The following GRID1 variants were observed in gnomAD, a reference collection of about 807,000 sequenced individuals.
GRID1 encodes glutamate ionotropic receptor delta type subunit 1, also known as glutamate receptor ionotropic, delta-1.
In GRID1, 28 loss-of-function variants were observed where a neutral mutation model predicts 98.0. The observed-to-expected ratio is 0.29, with a 90% CI of 0.21 to 0.39. The LOEUF is 0.39. GRID1 is among the 10% of genes least tolerant of loss of function. GRID1 has a pLI of 1.00. For synonymous variants in GRID1, 553 were observed against 538.5 expected, an observed-to-expected ratio of 1.03 and a Z score of -0.37; for missense variants, 1,111 against 1,340.5, an observed-to-expected ratio of 0.83 and a Z score of 2.67.
chr10:85,671,131 C>G (rs1841080569), intron 12 of GRID1, among the ~76,000 whole-genome samples: 1 of 152,196 alleles, frequency 6.6e-6, no homozygotes, highest in African/African-American at 2.4e-5. Flanking sequence ...AACTCTACTG[C>G]CAACACCCTC....
Position 85,647,380 on chromosome 10 carries a change from G to T in GRID1, c.2015C>A (p.Ser672Tyr), listed in dbSNP as rs1342084899. 6.2e-7 allele frequency: 1 copy of T among 1,614,116 alleles called. No individual in the cohort carries two copies. The highest frequency in any genetic ancestry group is 8.5e-7 in the Non-Finnish European group (1 of 1,179,952). ...GCCATAAGACATTTCCACTTGTTTG[G>T]ACAGGTCCTGGAAAGTCCTGAAATG... ...DNPIRTFQDLSKQVEMSYGTV... is the reference protein window; with the variant it reads ...DNPIRTFQDLYKQVEMSYGTV... The change falls in exon 13 of 16, where the codon TCC becomes TAC. Residue 672 changes from serine (S) to tyrosine (Y), a missense_variant. By Grantham distance (144) the Ser-to-Tyr change is moderately radical (BLOSUM62 -2). Around this residue, in one of 3 missense-constraint regions of GRID1, gnomAD observed 762 missense variants for 869.1 expected, o/e 0.88. Coordinates refer to ENST00000327946, the MANE Select transcript of GRID1 (RefSeq NM_017551.3).
At chr10:85,938,472 T>C (rs143790340) in intron 4 of GRID1, among the ~76,000 whole-genome samples, 1 of 152,202 alleles carries the variant, frequency 6.6e-6, no homozygotes, top group African/African-American at 2.4e-5. Flanking sequence ...CTGGGCAGTG[T>C]GCTCAGAGTT....
chr10:85,986,721 C>T (rs1206699646), intron 4 of GRID1, among the ~76,000 whole-genome samples: 1 of 152,184 alleles, frequency 6.6e-6, no homozygotes, highest in Non-Finnish European at 1.5e-5. Context: ...GCTCCTATGT[C>T]TAAGAGAGGT....
intron 8 of GRID1, among the ~76,000 whole-genome samples, chr10:85,787,098 TTGAG>T (rs1369009984): frequency 2.0e-5 from 3 of 152,202 alleles, no homozygotes; most frequent in Non-Finnish European, 4.4e-5. Context: ...GACTGTGACA[TTGAG>T]TGAGTTACTT....
At chr10:85,742,749 TC>T (rs529063484) in intron 8 of GRID1, among the ~76,000 whole-genome samples, 1 of 152,140 alleles carries the variant, frequency 6.6e-6, no homozygotes, top group Non-Finnish European at 1.5e-5. Flanking sequence ...CTTCTCCACC[TC>T]CTATCAGGAA....
At chr10:86,203,365 C>G (rs1020583140) in intron 3 of GRID1, among the ~76,000 whole-genome samples, 1 of 151,918 alleles carries the variant, frequency 6.6e-6, no homozygotes, top group Non-Finnish European at 1.5e-5. Context: ...CAGGCCACAG[C>G]CAGCCATGCC....
chr10:86,358,587 T>C (rs1334988895), intron 2 of GRID1, among the ~76,000 whole-genome samples: 1 of 151,568 alleles, frequency 6.6e-6, no homozygotes, highest in Non-Finnish European at 1.5e-5. Context: ...TGAAATCCCG[T>C]CTCTACTAAA....
chr10:85,724,253 T>C (rs1841735566), intron 11 of GRID1, 99 bp downstream of exon 11: 1 of 860,948 alleles, frequency 1.2e-6, no homozygotes, highest in African/African-American at 1.7e-5. Context: ...AAAATTGCAT[T>C]TGGAATGACT....
At chr10:85,852,046 G>T (rs1212639955) in intron 8 of GRID1, among the ~76,000 whole-genome samples, 1 of 151,660 alleles carries the variant, frequency 6.6e-6, no homozygotes, top group Non-Finnish European at 1.5e-5. Flanking sequence ...CCTTCTCCTT[G>T]GTTCATCTGA....
At chr10:85,895,144 C>T (rs1459242440) in intron 5 of GRID1, among the ~76,000 whole-genome samples, 2 of 151,462 alleles carry the variant, frequency 1.3e-5, no homozygotes, top group African/African-American at 2.4e-5. Context: ...TCCTCCCTGA[C>T]ATCAGTTTAA....
At chr10:86,177,763 T>C (rs1017075749) in intron 3 of GRID1, among the ~76,000 whole-genome samples, 1 of 152,160 alleles carries the variant, frequency 6.6e-6, no homozygotes, top group Non-Finnish European at 1.5e-5. Flanking sequence ...CGTGCGTGTG[T>C]GTGCCTGTGT....
chr10:85,864,875 T>G (rs1843200236), intron 6 of GRID1, among the ~76,000 whole-genome samples: 2 of 152,076 alleles, frequency 1.3e-5, no homozygotes, highest in Admixed American at 6.6e-5. Flanking sequence ...AATTCAGGGA[T>G]CCGGCTCCAC....
At chr10:85,837,201 C>T (rs1842918560) in intron 8 of GRID1, among the ~76,000 whole-genome samples, 1 of 152,182 alleles carries the variant, frequency 6.6e-6, no homozygotes, top group South Asian at 2.1e-4. Flanking sequence ...ACAAAGGATC[C>T]TCCCACAACC....
intron 4 of GRID1, among the ~76,000 whole-genome samples, chr10:86,039,664 C>CCAG: frequency 6.6e-6 from 1 of 152,196 alleles, no homozygotes; most frequent in East Asian, 1.9e-4. Context: ...CTGGGATCCC[C>CCAG]CAGCAGTTGA....
chr10:85,901,909 CT>C (rs1841394503), intron 5 of GRID1, among the ~76,000 whole-genome samples: 2 of 152,162 alleles, frequency 1.3e-5, no homozygotes, highest in South Asian at 4.1e-4. Context: ...TCATAGGTTC[CT>C]TTACGGCTGA....
intron 4 of GRID1, among the ~76,000 whole-genome samples, chr10:86,091,896 T>C (rs1844154935): frequency 6.6e-6 from 1 of 152,240 alleles, no homozygotes; most frequent in African/African-American, 2.4e-5. Context: ...GCAATCACTG[T>C]AGTTCGGCTC....
intron 12 of GRID1, among the ~76,000 whole-genome samples, chr10:85,653,910 C>T (rs926713157): frequency 6.6e-6 from 1 of 151,868 alleles, no homozygotes; most frequent in East Asian, 1.9e-4. Flanking sequence ...AATAAATGCC[C>T]TTTTTAAAAA....
chr10:86,364,108 A>C lies in GRID1; in HGVS notation c.80-12T>G. 4 of 1,612,030 alleles carry C rather than the reference A, an allele frequency of 2.5e-6. No homozygotes were observed. In the South Asian group the frequency reaches 4.4e-5, roughly 18 times the overall value. Reference sequence around the variant, plus strand: ...CTCGAAGATGGCACCTGGAGGAGAGAAGGGATCAAGACCGGACCTGGACAA... The same window carrying C: ...CTCGAAGATGGCACCTGGAGGAGAGCAGGGATCAAGACCGGACCTGGACAA... On this transcript the variant is annotated splice_polypyrimidine_tract_variant and intron_variant, in intron 1 of 15. Transcript: ENST00000327946.
intron 6 of GRID1, among the ~76,000 whole-genome samples, chr10:85,857,065 T>C (rs78065830): frequency 0.014 from 2,166 of 152,256 alleles, 43 homozygotes; most frequent in African/African-American, 0.05. Context: ...CTAGGGTGAA[T>C]GGTGGCCTGA....
Sources: gnomAD v4.1 joint callset for allele counts (sites outside exome capture counted in the v4.1 genomes callset) on GRCh38, gnomAD v4.1.1 for gene constraint, gnomAD v4.1.1 regional missense constraint, MANE v1.5 for transcripts, NCBI Gene and HGNC (gene_info 2026-07-23, HGNC 2026-07-21) for gene names.